EPHA6: variants seen among roughly 807,000 people sequenced by gnomAD.
EPHA6 encodes the protein ephrin type-A receptor 6.
Under a neutral mutation model 112.0 loss-of-function variants are expected in EPHA6, and 50 were observed. The ratio of observed to expected loss-of-function variants is 0.45; its 90% confidence interval spans 0.36 to 0.56. EPHA6 has a LOEUF of 0.56. Ranked by LOEUF, EPHA6 falls within the 20% of genes least tolerant of loss-of-function variation. The probability of loss-of-function intolerance (pLI) is 0.00; values close to 1 mark genes in which losing one functional copy is unlikely to be tolerated. For missense variants in EPHA6, 1,280 were observed against 1,417.4 expected, an observed-to-expected ratio of 0.90 and a Z score of 1.56; for synonymous variants, 529 against 490.7, an observed-to-expected ratio of 1.08 and a Z score of -1.03.
chr3:97,511,554 T>C (rs1031486084), intron 10 of EPHA6, among the ~76,000 whole-genome samples: 2 of 152,170 alleles, frequency 1.3e-5, no homozygotes, highest in South Asian at 2.1e-4. Flanking sequence ...GGTACCTCAG[T>C]TGGAAATGCA....
Position 97,759,509 on chromosome 3 carries a change from A to G in EPHA6, c.*10808A>G. ...ATGAAAATGACTTGGCAGACAGGGGAAAACTGATTATGCAAGAGAGATGAT... is the reference window on the plus strand; with the variant it reads ...ATGAAAATGACTTGGCAGACAGGGGGAAACTGATTATGCAAGAGAGATGAT... On this transcript the variant is annotated 3_prime_UTR_variant, in exon 18 of 18. Transcript: ENST00000389672. 1 of 230,552 alleles carries G rather than the reference A, an allele frequency of 4.3e-6. No homozygotes were observed. The highest frequency in any genetic ancestry group is 8.6e-6 in the Non-Finnish European group (1 of 116,282). The allele number at this position is 230,552 out of a possible 1,614,324, so 14.3% of individuals were successfully genotyped here. A position where few individuals can be genotyped will look rare whatever the true frequency, so the allele number is the denominator to read the frequency against.
At chr3:97,449,492 A>G (rs1415490348) in intron 7 of EPHA6, among the ~76,000 whole-genome samples, 1 of 152,120 alleles carries the variant, frequency 6.6e-6, no homozygotes, top group Non-Finnish European at 1.5e-5. Flanking sequence ...TAAATTTATT[A>G]TAGTAATTCC....
chr3:96,991,126 A>G (rs187692167), intron 3 of EPHA6, among the ~76,000 whole-genome samples: 25 of 152,142 alleles, frequency 1.6e-4, no homozygotes. Context: ...AAGTGCTGTG[A>G]TTGCAGGGGT....
chr3:97,159,510 T>C (rs1175096381), intron 3 of EPHA6, among the ~76,000 whole-genome samples: 2 of 152,182 alleles, frequency 1.3e-5, no homozygotes, highest in African/African-American at 2.4e-5. Context: ...TTCATCCCTT[T>C]ATTCCTAGGC....
intron 5 of EPHA6, among the ~76,000 whole-genome samples, chr3:97,302,241 A>G (rs920017769): frequency 5.3e-5 from 8 of 152,008 alleles, no homozygotes; most frequent in African/African-American, 1.9e-4. Context: ...ATTATTCTTT[A>G]GGCAAAAAGA....
intron 5 of EPHA6, among the ~76,000 whole-genome samples, chr3:97,300,214 A>C (rs575431934): frequency 6.6e-6 from 1 of 152,334 alleles, no homozygotes; most frequent in African/African-American, 2.4e-5. Flanking sequence ...AGTCATGCCA[A>C]GAATTGCTCA....
chr3:97,215,851 T>A (rs72924409), intron 3 of EPHA6, among the ~76,000 whole-genome samples: 1,928 of 152,324 alleles, frequency 0.013, 46 homozygotes, highest in African/African-American at 0.043. Flanking sequence ...TGAATATACT[T>A]CCTCCAATTA....
In EPHA6 at chr3:97,145,532, A is replaced by G. The variant is rs1033675907; in HGVS notation, c.1115-80732A>G. On this transcript the variant is annotated intron_variant, in intron 3 of 17. Coordinates refer to ENST00000389672, the MANE Select transcript of EPHA6 (RefSeq NM_001080448.3). ...CCTTATTTACCTTTAGGAAATGACA[A>G]CAGTTAAAAAAAAAAACATTTTAAT... Among the ~76,000 whole-genome samples, 3 of 147,216 alleles carry G rather than the reference A, an allele frequency of 2.0e-5. No individual in the cohort carries two copies. The East Asian group carries it at 5.8e-4, about 28-fold the overall frequency.
chr3:97,413,180 C>T (rs1324723663), intron 6 of EPHA6, among the ~76,000 whole-genome samples: 2 of 151,894 alleles, frequency 1.3e-5, no homozygotes, highest in Non-Finnish European at 2.9e-5. Context: ...CAAAAAACTA[C>T]TCTTCCAGCA....
intron 16 of EPHA6, among the ~76,000 whole-genome samples, chr3:97,736,967 A>C (rs762987760): frequency 2.0e-5 from 3 of 152,052 alleles, no homozygotes; most frequent in Non-Finnish European, 2.9e-5. Context: ...TCACAGGTTC[A>C]AGCCAGTGCA....
chr3:97,711,050 C>A (rs2033941129), intron 14 of EPHA6, among the ~76,000 whole-genome samples: 2 of 152,174 alleles, frequency 1.3e-5, no homozygotes. Flanking sequence ...CAAATTTCAT[C>A]TTGAATTCCC....
At chr3:97,653,159 A>G (rs1407907486) in intron 14 of EPHA6, among the ~76,000 whole-genome samples, 2 of 151,936 alleles carry the variant, frequency 1.3e-5, no homozygotes, top group Admixed American at 6.6e-5. Context: ...ATAGACAAGT[A>G]TGATTGCATC....
At chr3:97,266,102 A>C (rs1460165532) in intron 5 of EPHA6, among the ~76,000 whole-genome samples, 1 of 152,210 alleles carries the variant, frequency 6.6e-6, no homozygotes. Flanking sequence ...AAACATTTTG[A>C]AATGGGTAGC....
chr3:97,029,331 T>G (rs2044746905), intron 3 of EPHA6, among the ~76,000 whole-genome samples: 1 of 151,666 alleles, frequency 6.6e-6, no homozygotes. Flanking sequence ...TTTAAAAGTT[T>G]AAATCCCCTG....
intron 12 of EPHA6, among the ~76,000 whole-genome samples, chr3:97,600,503 T>C (rs1195163357): frequency 1.3e-5 from 2 of 152,110 alleles, no homozygotes; most frequent in African/African-American, 4.8e-5. Context: ...TCAAAGGCTT[T>C]TTCTGCTTTG....
chr3:96,942,507 C>G (rs975579282), intron 2 of EPHA6, among the ~76,000 whole-genome samples: 2 of 152,194 alleles, frequency 1.3e-5, no homozygotes, highest in Non-Finnish European at 2.9e-5. Context: ...TTCCAGGTGC[C>G]GTCTGTCACC....
intron 3 of EPHA6, among the ~76,000 whole-genome samples, chr3:97,179,725 CTCT>C (rs2076934766): frequency 7.2e-6 from 1 of 139,272 alleles, no homozygotes; most frequent in African/African-American, 2.7e-5. Flanking sequence ...GAGTCTCTCT[CTCT>C]CTCTCTCTCT....
intron 3 of EPHA6, among the ~76,000 whole-genome samples, chr3:97,104,355 G>A (rs74944719): frequency 0.1 from 15,385 of 152,120 alleles, 1,278 homozygotes; most frequent in Admixed American, 0.22. Flanking sequence ...TTAACAAGAA[G>A]CGATGTTTAA....
chr3:97,597,096 C>T (rs546286497), intron 12 of EPHA6, among the ~76,000 whole-genome samples: 2 of 151,646 alleles, frequency 1.3e-5, no homozygotes, highest in South Asian at 2.1e-4. Flanking sequence ...GCATGTGGGA[C>T]TTGGAAATAG....
Sources: gnomAD v4.1 joint callset for allele counts (sites outside exome capture counted in the v4.1 genomes callset) on GRCh38, gnomAD v4.1.1 for gene constraint, MANE v1.5 for transcripts, NCBI Gene and HGNC (gene_info 2026-07-23, HGNC 2026-07-21) for gene names.